Variants in ALK observed in about 807,000 individuals in gnomAD.
The protein encoded by ALK is ALK tyrosine kinase receptor.
A neutral mutation model predicts 163.1 loss-of-function variants in ALK; 74 were observed. That is an observed-to-expected ratio of 0.45 (90% CI 0.38 to 0.55). The LOEUF (loss-of-function observed/expected upper bound fraction) is 0.55. Ranked by LOEUF, ALK falls within the 20% of genes least tolerant of loss-of-function variation. The pLI, the probability that ALK is intolerant of heterozygous loss-of-function variation, is 0.00. For synonymous variants in ALK, 960 were observed against 843.2 expected (o/e 1.14, Z -2.40); for missense variants, 2,063 against 2,105.3 (o/e 0.98, Z 0.39).
chr2:29,564,126 C>A (rs974794809), intron 3 of ALK, among the ~76,000 whole-genome samples: 5 of 152,196 alleles, frequency 3.3e-5, no homozygotes, highest in Admixed American at 2.6e-4. Context: ...CTTGCCCCAA[C>A]ACCTTGTCTC....
At chr2:29,624,207 G>A (rs762551517) in intron 3 of ALK, among the ~76,000 whole-genome samples, 1 of 37,030 alleles carries the variant, frequency 2.7e-5, no homozygotes, top group Non-Finnish European at 7.9e-5. Flanking sequence ...AGTCCTGGGA[G>A]ACCTTTTGGG....
chr2:29,634,687 G>A (rs1003564225), intron 3 of ALK, among the ~76,000 whole-genome samples: 21 of 152,148 alleles, frequency 1.4e-4, no homozygotes, highest in Admixed American at 5.9e-4. Context: ...GTAAAAGACT[G>A]ACTACTTTCC....
chr2:29,849,215 G>A (rs1023066547), intron 1 of ALK, among the ~76,000 whole-genome samples: 2 of 152,220 alleles, frequency 1.3e-5, no homozygotes, highest in African/African-American at 4.8e-5. Flanking sequence ...CTCACTGTCT[G>A]CTGTCCCTTC....
chr2:29,403,303 G>T (rs1375627481), intron 4 of ALK, among the ~76,000 whole-genome samples: 1 of 152,130 alleles, frequency 6.6e-6, no homozygotes, highest in Non-Finnish European at 1.5e-5. Flanking sequence ...TACTCACTAT[G>T]CCTCTTTGGA....
At chr2:29,776,910 C>G (rs1380705539) in intron 1 of ALK, among the ~76,000 whole-genome samples, 1 of 152,220 alleles carries the variant, frequency 6.6e-6, no homozygotes, top group East Asian at 1.9e-4. Context: ...AGGATACCAC[C>G]TTGCCCAGGT....
At chr2:29,306,774 C>T (rs1401113874) in intron 8 of ALK, among the ~76,000 whole-genome samples, 2 of 152,122 alleles carry the variant, frequency 1.3e-5, no homozygotes, top group African/African-American at 4.8e-5. Context: ...ATTTTTGATC[C>T]TTCTAGACAC....
chr2:29,885,300 A>G (rs1666958458), intron 1 of ALK, among the ~76,000 whole-genome samples: 1 of 152,180 alleles, frequency 6.6e-6, no homozygotes, highest in Admixed American at 6.5e-5. Flanking sequence ...GGGGGTCACA[A>G]GGACCTTTAA....
At chr2:29,709,683 T>C (rs1471648564) in intron 2 of ALK, among the ~76,000 whole-genome samples, 1 of 152,158 alleles carries the variant, frequency 6.6e-6, no homozygotes, top group Non-Finnish European at 1.5e-5. Flanking sequence ...GTCCACCACC[T>C]CCCAGACTGT....
intron 23 of ALK, among the ~76,000 whole-genome samples, chr2:29,218,785 C>T (rs1669707349): frequency 6.6e-6 from 1 of 152,246 alleles, no homozygotes; most frequent in South Asian, 2.1e-4. Flanking sequence ...GCCACGTGTC[C>T]CCCACTGACA....
chr2:29,619,007 A>G (rs1249480329), intron 3 of ALK, among the ~76,000 whole-genome samples: 1 of 152,152 alleles, frequency 6.6e-6, no homozygotes, highest in Non-Finnish European at 1.5e-5. Flanking sequence ...AAATAAAAAA[A>G]AAAAACACTT....
At chr2:29,215,763 G>GCAAA (rs975775099) in intron 23 of ALK, among the ~76,000 whole-genome samples, 10 of 152,196 alleles carry the variant, frequency 6.6e-5, no homozygotes, top group African/African-American at 1.4e-4. Flanking sequence ...CCCACAAACG[G>GCAAA]CAAACACCAC....
At chr2:29,378,721 C>A (rs978347462) in intron 5 of ALK, among the ~76,000 whole-genome samples, 1 of 151,734 alleles carries the variant, frequency 6.6e-6, no homozygotes, top group East Asian at 1.9e-4. Context: ...CCCCTCCCTC[C>A]CTCTCTTTCT....
At chr2:29,741,264 T>C (rs1680051089) in intron 1 of ALK, among the ~76,000 whole-genome samples, 5 of 152,160 alleles carry the variant, frequency 3.3e-5, no homozygotes. Context: ...TCTATGATAC[T>C]ATAACGGTGA....
At chr2:29,816,742 G>A (rs1664909150) in intron 1 of ALK, among the ~76,000 whole-genome samples, 1 of 152,140 alleles carries the variant, frequency 6.6e-6, no homozygotes, top group Non-Finnish European at 1.5e-5. Context: ...GCCTCTCTGT[G>A]CCTCTGACTT....
chr2:29,196,641 T>C (rs1669029984), intron 28 of ALK, 129 bp downstream of exon 28: 1 of 778,342 alleles, frequency 1.3e-6, no homozygotes, highest in Non-Finnish European at 2.3e-6. Context: ...TAGAGAAAAT[T>C]AATTTTCACT....
intron 3 of ALK, among the ~76,000 whole-genome samples, chr2:29,675,581 A>C (rs113462043): frequency 1.9e-4 from 29 of 152,094 alleles, no homozygotes; most frequent in African/African-American, 6.5e-4. Flanking sequence ...TCTTTCCCTC[A>C]TCCAGTGTGA....
At chr2:29,767,981 G>A (rs1243682901) in intron 1 of ALK, among the ~76,000 whole-genome samples, 1 of 152,174 alleles carries the variant, frequency 6.6e-6, no homozygotes, top group African/African-American at 2.4e-5. Flanking sequence ...GTTACTGTCC[G>A]GGTGACAGTT....
rs2148197638 is a variant in ALK, at chr2:29,251,243, C to T, written c.2066G>A (p.Gly689Glu). The T allele has an allele frequency of 1.2e-6, 2 of 1,613,880 alleles. No homozygotes were observed. Among genetic ancestry groups the T allele is most frequent in the South Asian group, 2.2e-5 (2 of 91,020 alleles). The change falls in exon 12 of 29, where the codon GGG becomes GAG. Residue 689 changes from glycine (G) to glutamate (E), a missense_variant. Physicochemically the swap from Gly to Glu is moderately conservative, Grantham distance 98. This residue lies in a region of ALK where 987 missense variants were observed against 939.5 expected (regional missense o/e 1.05). Coordinates refer to ENST00000389048, the MANE Select transcript of ALK (RefSeq NM_004304.5). ...GGTGGGGCCATGGGGCCCGCTGGCC[C>T]CACATGTGGTGAACAGCCAATGAAC... ...PTVHWLFTTC[G>E]ASGPHGPTQA...
At chr2:29,267,094 C>T (rs1665241973) in intron 11 of ALK, among the ~76,000 whole-genome samples, 1 of 152,128 alleles carries the variant, frequency 6.6e-6, no homozygotes, top group Admixed American at 6.5e-5. Context: ...CTCTCTCTCT[C>T]TCTCTCCCCA....
Sources: gnomAD v4.1 joint callset for allele counts (sites outside exome capture counted in the v4.1 genomes callset) on GRCh38, gnomAD v4.1.1 for gene constraint, gnomAD v4.1.1 regional missense constraint, MANE v1.5 for transcripts, NCBI Gene and HGNC (gene_info 2026-07-23, HGNC 2026-07-21) for gene names.